WWOX: variants seen among roughly 807,000 people sequenced by gnomAD.
WWOX encodes the protein WW domain containing oxidoreductase, also known as WW domain-containing oxidoreductase.
WWOX carries 69 observed loss-of-function variants against 46.2 expected under a neutral mutation model. That is an observed-to-expected ratio of 1.49 (90% confidence interval 1.23 to 1.82). The LOEUF (loss-of-function observed/expected upper bound fraction) is 1.82, where lower values mean the gene tolerates loss of function less well. Ranked by LOEUF, WWOX falls within the 40% of genes most tolerant of loss-of-function variation. The probability of loss-of-function intolerance (pLI) is 0.00; values close to 1 mark genes in which losing one functional copy is unlikely to be tolerated. For synonymous variants in WWOX, 359 were observed against 202.6 expected, an observed-to-expected ratio of 1.77 and a Z score of -6.56; for missense variants, 919 against 542.6, an observed-to-expected ratio of 1.69 and a Z score of -6.89.
At chr16:79,037,244 G>T (rs999419807) in intron 8 of WWOX, among the ~76,000 whole-genome samples, 8 of 152,120 alleles carry the variant, frequency 5.3e-5, no homozygotes, top group African/African-American at 1.9e-4. Context: ...TCTCTCTCTC[G>T]CTCCTGCTCC....
At chr16:78,382,580 C>A (rs1336952904) in intron 5 of WWOX, among the ~76,000 whole-genome samples, 1 of 152,194 alleles carries the variant, frequency 6.6e-6, no homozygotes, top group Admixed American at 6.5e-5. Context: ...CCACGTCTTA[C>A]TGACCACTCT....
chr16:78,351,687 C>T (rs747539815), intron 5 of WWOX, among the ~76,000 whole-genome samples: 48 of 152,290 alleles, frequency 3.2e-4, no homozygotes, highest in South Asian at 8.3e-4. Flanking sequence ...GACAGAGTCT[C>T]GGTCTCTTGC....
chr16:78,505,362 A>T (rs181525930), intron 8 of WWOX, among the ~76,000 whole-genome samples: 7 of 152,302 alleles, frequency 4.6e-5, no homozygotes, highest in African/African-American at 1.4e-4. Context: ...TAGTTTCTAG[A>T]ATAAAGTTCG....
intron 5 of WWOX, among the ~76,000 whole-genome samples, chr16:78,261,957 A>G (rs1267973674): frequency 6.6e-6 from 1 of 151,332 alleles, no homozygotes; most frequent in African/African-American, 2.4e-5. Context: ...AGTACAGGCC[A>G]AGGCCTCATT....
chr16:78,803,713 C>G (rs1295225882), intron 8 of WWOX, among the ~76,000 whole-genome samples: 1 of 152,138 alleles, frequency 6.6e-6, no homozygotes, highest in Non-Finnish European at 1.5e-5. Context: ...CCCACCCTGG[C>G]CTCCCAAAGT....
chr16:78,486,024 C>T (rs753926990), intron 8 of WWOX, among the ~76,000 whole-genome samples: 9 of 152,258 alleles, frequency 5.9e-5, no homozygotes, highest in South Asian at 2.1e-4. Context: ...AACTTTGAAT[C>T]GTAGATGTTT....
rs2031619004 is a variant in WWOX at position 78,099,749 on chromosome 16, T to C, written c.-30T>C. ...AGCGAGTGGACCCGGCAGCGGGCGA[T>C]AGGGGGGCCAGGTGCCTCCACAGTC... is the stretch of plus-strand genomic sequence containing the variant. On this transcript the variant is annotated 5_prime_UTR_variant, in exon 1 of 9. Transcript: ENST00000566780. The C allele has an allele frequency of 2.6e-6, 4 of 1,521,670 alleles. No individual in the cohort carries two copies. Among genetic ancestry groups the C allele is most frequent in the African/African-American group, 1.4e-5 (1 of 70,868 alleles). The allele number at this position is 1,521,670 out of a possible 1,614,324, so 94.3% of individuals were successfully genotyped here. A position where few individuals can be genotyped will look rare whatever the true frequency, so the allele number is the denominator to read the frequency against.
chr16:78,749,814 A>G (rs1033068631), intron 8 of WWOX, among the ~76,000 whole-genome samples: 3 of 152,206 alleles, frequency 2.0e-5, no homozygotes, highest in Admixed American at 6.5e-5. Flanking sequence ...CAGGCTTTTT[A>G]TAAACTGTTC....
At chr16:78,434,580 C>G (rs1446252444) in intron 8 of WWOX, among the ~76,000 whole-genome samples, 1 of 152,136 alleles carries the variant, frequency 6.6e-6, no homozygotes, top group African/African-American at 2.4e-5. Flanking sequence ...CTTTAACAAG[C>G]CCAGTCAACC....
chr16:78,300,244 A>G (rs2080015790), intron 5 of WWOX, among the ~76,000 whole-genome samples: 1 of 152,178 alleles, frequency 6.6e-6, no homozygotes, highest in Admixed American at 6.5e-5. Context: ...AGATACATGG[A>G]GAATATTCTG....
intron 8 of WWOX, chr16:78,897,267 C>CCAAAAAAA (rs2044725442): frequency 1.6e-5 from 1 of 62,736 alleles, no homozygotes; most frequent in African/African-American, 6.4e-5. Context: ...AAAAAAAAAA[C>CCAAAAAAA]CAAAAAAACA....
intron 8 of WWOX, among the ~76,000 whole-genome samples, chr16:79,010,247 A>G (rs2047276858): frequency 6.6e-6 from 1 of 152,188 alleles, no homozygotes; most frequent in Admixed American, 6.5e-5. Context: ...GACAAGAGTG[A>G]GGAGCTGGGG....
At chr16:78,393,930 G>A (rs752580770) in intron 6 of WWOX, among the ~76,000 whole-genome samples, 2 of 151,944 alleles carry the variant, frequency 1.3e-5, no homozygotes, top group Non-Finnish European at 2.9e-5. Flanking sequence ...TCTTTAACAA[G>A]TTTATTTATT....
chr16:79,093,809 A>T (rs1214747894), intron 8 of WWOX, among the ~76,000 whole-genome samples: 1 of 152,148 alleles, frequency 6.6e-6, no homozygotes, highest in African/African-American at 2.4e-5. Context: ...CTGCCCTTCG[A>T]CACAGAGTGA....
chr16:78,638,481 T>G (rs1430496219), intron 8 of WWOX, among the ~76,000 whole-genome samples: 1 of 152,176 alleles, frequency 6.6e-6, no homozygotes, highest in Non-Finnish European at 1.5e-5. Flanking sequence ...CCCAGCTTGT[T>G]GGCCTTGGGC....
At chr16:78,954,204 G>C (rs1195300782) in intron 8 of WWOX, among the ~76,000 whole-genome samples, 1 of 152,122 alleles carries the variant, frequency 6.6e-6, no homozygotes, top group South Asian at 2.1e-4. Flanking sequence ...ATGGATGGAT[G>C]GTTGGATGGT....
intron 8 of WWOX, among the ~76,000 whole-genome samples, chr16:78,681,133 C>T (rs1179803535): frequency 6.6e-6 from 1 of 152,170 alleles, no homozygotes; most frequent in Non-Finnish European, 1.5e-5. Context: ...CCTGTAGTCC[C>T]AGCTACTTTG....
intron 5 of WWOX, among the ~76,000 whole-genome samples, chr16:78,336,530 A>G (rs540424565): frequency 1.4e-5 from 2 of 140,894 alleles, no homozygotes; most frequent in African/African-American, 5.2e-5. Context: ...AAAAAAGCCT[A>G]CAGTTGACAG....
At chr16:78,795,709 C>T (rs2050718863) in intron 8 of WWOX, among the ~76,000 whole-genome samples, 1 of 152,082 alleles carries the variant, frequency 6.6e-6, no homozygotes, top group Non-Finnish European at 1.5e-5. Flanking sequence ...GGGATTCATT[C>T]TAGTGGGCAA....
Sources: gnomAD v4.1 joint callset for allele counts (sites outside exome capture counted in the v4.1 genomes callset) on GRCh38, gnomAD v4.1.1 for gene constraint, MANE v1.5 for transcripts, NCBI Gene and HGNC (gene_info 2026-07-23, HGNC 2026-07-21) for gene names.